Variants in NECAB1 observed in about 807,000 individuals in gnomAD.
The protein encoded by NECAB1 is N-terminal EF-hand calcium-binding protein 1.
A neutral mutation model predicts 57.5 loss-of-function variants in NECAB1; 29 were observed. The observed-to-expected ratio is 0.50, with a 90% CI of 0.38 to 0.69. The LOEUF (loss-of-function observed/expected upper bound fraction) is 0.69, where lower values mean the gene tolerates loss of function less well. NECAB1 is among the 30% of genes least tolerant of loss of function. The pLI is 0.00. For missense variants in NECAB1, 372 were observed against 413.8 expected, an observed-to-expected ratio of 0.90 and a Z score of 0.88; for synonymous variants, 142 against 147.7, an observed-to-expected ratio of 0.96 and a Z score of 0.28.
intron 10 of NECAB1, among the ~76,000 whole-genome samples, chr8:90,946,852 G>C (rs1366535686): frequency 6.6e-6 from 1 of 152,196 alleles, no homozygotes; most frequent in African/African-American, 2.4e-5. Flanking sequence ...GTCCAGCAGA[G>C]AGGAGTAAGG....
intron 4 of NECAB1, among the ~76,000 whole-genome samples, chr8:90,875,648 C>T (rs1808709627): frequency 6.6e-6 from 1 of 151,366 alleles, no homozygotes; most frequent in Admixed American, 6.6e-5. Flanking sequence ...CTCATCTAGT[C>T]GGGTGTTATC....
At position 90,875,487 on chromosome 8, in the gene NECAB1, CAAAAAAAAAAA is replaced by C. The variant is rs35777818; in HGVS notation, c.259+3352_259+3362del. ...TGGGCGACAGAGCGAGACTCCGTCT[CAAAAAAAAAAA>C]AAAAAAAAAAAAAAAAAGAATAGGT... On this transcript the variant is annotated intron_variant, in intron 4 of 12. Coordinates refer to ENST00000417640, the MANE Select transcript of NECAB1 (RefSeq NM_022351.5). 3.9e-4 allele frequency among the ~76,000 whole-genome samples: 16 copies of C among 41,490 alleles called. No homozygotes were observed. In the East Asian group the frequency reaches 6.3e-3, roughly 16 times the overall value. 27.2% of individuals were successfully genotyped at this position (41,490 alleles called of 152,430 possible). A position where few individuals can be genotyped will look rare whatever the true frequency, so the allele number is the denominator to read the frequency against.
At chr8:90,883,802 A>G (rs1475451179) in intron 5 of NECAB1, among the ~76,000 whole-genome samples, 1 of 152,192 alleles carries the variant, frequency 6.6e-6, no homozygotes, top group Non-Finnish European at 1.5e-5. Context: ...CTCTGTCTGA[A>G]TTTGGAATGT....
At chr8:90,909,616 C>T (rs1809778010) in intron 5 of NECAB1, among the ~76,000 whole-genome samples, 1 of 151,958 alleles carries the variant, frequency 6.6e-6, no homozygotes, top group Non-Finnish European at 1.5e-5. Context: ...TATGTTACTA[C>T]GTTTTTTTCT....
At chr8:90,797,760 T>C (rs1482704504) in intron 1 of NECAB1, among the ~76,000 whole-genome samples, 1 of 152,136 alleles carries the variant, frequency 6.6e-6, no homozygotes, top group East Asian at 1.9e-4. Context: ...GCAAACTGTT[T>C]TAAGATTGTT....
Position 90,791,996 on chromosome 8 carries a change from A to G in NECAB1, c.99+11A>G. The G allele has an allele frequency of 6.5e-7, 1 of 1,549,562 alleles. No individual in the cohort carries two copies. Among genetic ancestry groups the G allele is most frequent in the Non-Finnish European group, 8.7e-7 (1 of 1,145,278 alleles). ...TCGATCTTCCTCGACGTAAGTACAG[A>G]TGGTGGGAGCTGGGCGGTTGCTTCC... On this transcript the variant is annotated intron_variant, in intron 1 of 12. Transcript: ENST00000417640.
At chr8:90,858,668 G>C (rs111566804) in intron 3 of NECAB1, among the ~76,000 whole-genome samples, 3 of 150,936 alleles carry the variant, frequency 2.0e-5, no homozygotes, top group South Asian at 4.2e-4. Flanking sequence ...AAGACCCCTG[G>C]AAGGGCCAAA....
intron 5 of NECAB1, among the ~76,000 whole-genome samples, chr8:90,911,675 T>A (rs942838855): frequency 3.3e-5 from 5 of 151,958 alleles, no homozygotes; most frequent in African/African-American, 1.2e-4. Flanking sequence ...CTCAGGAAAA[T>A]TAATATTTGT....
chr8:90,868,906 G>A (rs899550590), intron 3 of NECAB1, among the ~76,000 whole-genome samples: 9 of 152,328 alleles, frequency 5.9e-5, no homozygotes, highest in African/African-American at 2.2e-4. Flanking sequence ...GACCTTTGTG[G>A]CAGCCCCTCC....
chr8:90,801,103 G>A (rs1811750305), intron 1 of NECAB1, among the ~76,000 whole-genome samples: 1 of 152,126 alleles, frequency 6.6e-6, no homozygotes, highest in African/African-American at 2.4e-5. Context: ...TTGAATCCCA[G>A]TTTTATTGAG....
intron 3 of NECAB1, among the ~76,000 whole-genome samples, chr8:90,847,826 G>A (rs1034104111): frequency 3.9e-5 from 6 of 152,164 alleles, no homozygotes; most frequent in Admixed American, 6.5e-5. Flanking sequence ...CACCAAGTCC[G>A]TAGGCTGCAC....
chr8:90,910,546 T>C (rs1304452339), intron 5 of NECAB1, among the ~76,000 whole-genome samples: 1 of 152,122 alleles, frequency 6.6e-6, no homozygotes, highest in Non-Finnish European at 1.5e-5. Context: ...CTCCCCAACT[T>C]TTTATCTGAA....
chr8:90,925,460 G>T, intron 6 of NECAB1, 75 bp from the exon 7 acceptor site: 1 of 1,519,330 alleles, frequency 6.6e-7, no homozygotes, highest in Non-Finnish European at 9.0e-7. Context: ...TATGACTGAC[G>T]CATGAAGATC....
chr8:90,862,187 C>A (rs1222617335), intron 3 of NECAB1, among the ~76,000 whole-genome samples: 1 of 152,076 alleles, frequency 6.6e-6, no homozygotes, highest in East Asian at 1.9e-4. Context: ...TCAAGTAAAT[C>A]AAACAAAATA....
In NECAB1 at chr8:90,957,225, C is replaced by T. The variant is rs1338716421; in HGVS notation, c.*1713C>T. The T allele has an allele frequency of 6.6e-6, 1 of 151,898 alleles. No homozygotes were observed. Among genetic ancestry groups the T allele is most frequent in the Non-Finnish European group, 1.5e-5 (1 of 67,890 alleles). The allele number at this position is 151,898 out of a possible 1,614,324, so 9.4% of individuals were successfully genotyped here. On this transcript the variant is annotated 3_prime_UTR_variant, in exon 13 of 13. Transcript: ENST00000417640. ...ACCTAAATGACTTTTGACATACAAA[C>T]TCTTCTTGAGAATGTTTGTTGTAAA...
At chr8:90,895,729 A>G (rs1333453708) in intron 5 of NECAB1, among the ~76,000 whole-genome samples, 2 of 152,256 alleles carry the variant, frequency 1.3e-5, no homozygotes, top group African/African-American at 4.8e-5. Flanking sequence ...AATGAAAATT[A>G]GTCAGATTTG....
intron 3 of NECAB1, among the ~76,000 whole-genome samples, chr8:90,866,134 T>C (rs1311268408): frequency 6.6e-6 from 1 of 152,194 alleles, no homozygotes; most frequent in Admixed American, 6.6e-5. Flanking sequence ...ATTCTGTTAG[T>C]TAGTGTGCCA....
intron 6 of NECAB1, among the ~76,000 whole-genome samples, chr8:90,917,987 CATAT>C: frequency 1.4e-5 from 1 of 73,162 alleles, no homozygotes; most frequent in East Asian, 6.7e-4. Flanking sequence ...TATATATATA[CATAT>C]ATGTGTGTGT....
At chr8:90,916,432 G>A (rs1242273809) in intron 5 of NECAB1, among the ~76,000 whole-genome samples, 6 of 152,172 alleles carry the variant, frequency 3.9e-5, no homozygotes, top group African/African-American at 7.2e-5. Flanking sequence ...AATCTTACTT[G>A]TTTGGGTTTA....
Sources: gnomAD v4.1 joint callset for allele counts (sites outside exome capture counted in the v4.1 genomes callset) on GRCh38, gnomAD v4.1.1 for gene constraint, MANE v1.5 for transcripts, NCBI Gene and HGNC (gene_info 2026-07-23, HGNC 2026-07-21) for gene names.